LATS2: variants seen among roughly 807,000 people sequenced by gnomAD.
The protein encoded by LATS2 is serine/threonine-protein kinase LATS2.
In LATS2, 24 loss-of-function variants were observed where a neutral mutation model predicts 76.0. The observed-to-expected ratio is 0.32, with a 90% CI of 0.23 to 0.44. The LOEUF (loss-of-function observed/expected upper bound fraction) is 0.44, where lower values mean the gene tolerates loss of function less well. LATS2 is among the 20% of genes least tolerant of loss of function. LATS2 has a pLI of 1.00. For missense variants in LATS2, 1,286 were observed against 1,481.2 expected (o/e 0.87, Z 2.16); for synonymous variants, 692 against 635.4 (o/e 1.09, Z -1.34).
rs1156468797 is a variant in LATS2 at position 20,991,849 on chromosome 13, G to C, written c.343-445C>G. ...ACTAGGAAACCTGTCCCCAGGGAGA[G>C]GGTGCAGCTGCCGAAGAGTCATATA... On this transcript the variant is annotated intron_variant, in intron 2 of 7. Transcript: ENST00000382592. This position sits in a 1 kb window ranked among gnomAD's most constrained non-coding sequence, Gnocchi z 4.9. 1.3e-5 allele frequency among the ~76,000 whole-genome samples: 2 copies of C among 152,212 alleles called. No homozygotes were observed. The highest frequency in any genetic ancestry group is 2.9e-5 in the Non-Finnish European group (2 of 68,046).
intron 2 of LATS2, among the ~76,000 whole-genome samples, chr13:21,008,822 A>G (rs984517565): frequency 2.0e-5 from 3 of 152,286 alleles, no homozygotes; most frequent in African/African-American, 2.4e-5. Context: ...CCTACAACCA[A>G]GATTCCACTT....
intron 2 of LATS2, among the ~76,000 whole-genome samples, chr13:21,013,870 C>T (rs890274552): frequency 6.6e-6 from 1 of 152,060 alleles, no homozygotes; most frequent in Non-Finnish European, 1.5e-5. Flanking sequence ...ACTCAAGAGG[C>T]TAAGATGGGA....
In LATS2 at chr13:21,007,699, A is replaced by ATATATATAT. The variant is rs1173839566; in HGVS notation, c.343-16296_343-16295insATATATATA. The stretch of plus-strand genomic sequence containing the variant: ...ATATATATAGTATATATATATATAT[A>ATATATATAT]GTATGTATATATATATATATATAGT... On this transcript the variant is annotated intron_variant, in intron 2 of 7. Coordinates refer to ENST00000382592, the MANE Select transcript of LATS2 (RefSeq NM_014572.3). Among the ~76,000 whole-genome samples the ATATATATAT allele has an allele frequency of 3.4e-3, 2 of 586 alleles. 1 individual carries two copies. The highest frequency in any genetic ancestry group is 0.091 in the South Asian group (2 of 22). 0.4% of individuals were successfully genotyped at this position (586 alleles called of 152,430 possible).
intron 2 of LATS2, among the ~76,000 whole-genome samples, chr13:20,999,613 C>G (rs1565949482): frequency 6.6e-6 from 1 of 152,010 alleles, no homozygotes; most frequent in African/African-American, 2.4e-5. Context: ...AGCCAGTATG[C>G]TTGGCTAATT....
chr13:21,057,416 G>A (rs1873481716), intron 1 of LATS2, among the ~76,000 whole-genome samples: 1 of 152,156 alleles, frequency 6.6e-6, no homozygotes, highest in Admixed American at 6.5e-5. Flanking sequence ...AGGGTGAACG[G>A]CAAACATTAA....
chr13:21,050,609 C>T (rs1873241459), intron 1 of LATS2, among the ~76,000 whole-genome samples: 1 of 152,248 alleles, frequency 6.6e-6, no homozygotes, highest in Non-Finnish European at 1.5e-5. Context: ...TGCATCCATT[C>T]TACCTAATGG....
chr13:21,003,652 G>C (rs945383573), intron 2 of LATS2, among the ~76,000 whole-genome samples: 1 of 152,088 alleles, frequency 6.6e-6, no homozygotes, highest in Non-Finnish European at 1.5e-5. Context: ...ATGTTGACCA[G>C]GCTGGTCTTG....
intron 2 of LATS2, among the ~76,000 whole-genome samples, chr13:21,010,414 C>T (rs529283068): frequency 2.0e-5 from 3 of 152,102 alleles, no homozygotes; most frequent in African/African-American, 7.2e-5. Context: ...GCAAAGCCCC[C>T]ACTCTACAGG....
Position 20,979,901 on chromosome 13 carries a change from C to T in LATS2, c.2666-104G>A, listed in dbSNP as rs969327506. 4.7e-5 allele frequency: 31 copies of T among 662,338 alleles called. No individual in the cohort carries two copies. In the Admixed American group the frequency reaches 5.9e-4, roughly 13 times the overall value. 41.0% of individuals were successfully genotyped at this position (662,338 alleles called of 1,614,324 possible). On this transcript the variant is annotated intron_variant, in intron 6 of 7. Transcript: ENST00000382592. ...ACAGATTTCCTGTTAAGTGGGAAAG[C>T]GCGTTGAAGCATCGCACTGTGCGCA...
At chr13:21,045,553 G>A (rs1288980662) in intron 2 of LATS2, 132 bp downstream of exon 2, 1 of 650,598 alleles carries the variant, frequency 1.5e-6, no homozygotes, top group Non-Finnish European at 2.6e-6. Flanking sequence ...AAGGGCCTTG[G>A]GTTTTTAACC....
chr13:21,051,967 G>T (rs1209338062), intron 1 of LATS2, among the ~76,000 whole-genome samples: 1 of 152,118 alleles, frequency 6.6e-6, no homozygotes, highest in Admixed American at 6.5e-5. Flanking sequence ...AAAAGCACAG[G>T]GAGGGGAAGC....
intron 2 of LATS2, among the ~76,000 whole-genome samples, chr13:21,007,563 A>AT (rs1871325017): frequency 6.0e-5 from 1 of 16,712 alleles, no homozygotes; most frequent in Non-Finnish European, 8.1e-5. Flanking sequence ...ATATATATAT[A>AT]TATATATATA....
chr13:21,046,028 G>A lies in LATS2; in HGVS notation c.-2C>T. ...GGCAGGAAAAGTCTTTGGCCTCATT[G>A]TTAGTCCAGTTTCCTTTTACCATAA... On this transcript the variant is annotated 5_prime_UTR_variant, in exon 2 of 8. Transcript: ENST00000382592. 2.5e-6 allele frequency: 4 copies of A among 1,601,148 alleles called. No individual in the cohort carries two copies. The highest frequency in any genetic ancestry group is 3.4e-6 in the Non-Finnish European group (4 of 1,169,920).
In LATS2 at chr13:20,976,082, G is replaced by A. The variant is rs117339282; in HGVS notation, c.2773-718C>T. 4.5e-3 allele frequency among the ~76,000 whole-genome samples: 682 copies of A among 152,324 alleles called. 3 individuals are homozygous for A. Among genetic ancestry groups the A allele is most frequent in the Admixed American group, 7.9e-3 (121 of 15,286 alleles). ...AGAATAAAGCTGACTGACCCCATGTGACCTTACATGCTCAACTGCACAAAC... is the reference window on the plus strand; with the variant it reads ...AGAATAAAGCTGACTGACCCCATGTAACCTTACATGCTCAACTGCACAAAC... On this transcript the variant is annotated intron_variant, in intron 7 of 7. Transcript: ENST00000382592.
At chr13:20,978,917 AT>A (rs1364002326) in intron 7 of LATS2, among the ~76,000 whole-genome samples, 1 of 152,088 alleles carries the variant, frequency 6.6e-6, no homozygotes, top group Admixed American at 6.5e-5. Context: ...GCACACCACC[AT>A]GATGGACTAA....
At chr13:21,021,519 AT>A (rs1872064599) in intron 2 of LATS2, among the ~76,000 whole-genome samples, 1 of 145,082 alleles carries the variant, frequency 6.9e-6, no homozygotes, top group African/African-American at 2.5e-5. Flanking sequence ...TGTAAAAGGC[AT>A]TTCTGATATG....
At chr13:21,027,311 A>C (rs1421211553) in intron 2 of LATS2, among the ~76,000 whole-genome samples, 1 of 152,170 alleles carries the variant, frequency 6.6e-6, no homozygotes, top group Non-Finnish European at 1.5e-5. Context: ...ATTTTATCCT[A>C]TGCTTTTTTC....
intron 5 of LATS2, 49 bp from the exon 6 acceptor site, chr13:20,981,697 T>C (rs760406321): frequency 1.3e-6 from 2 of 1,490,798 alleles, no homozygotes; most frequent in East Asian, 2.3e-5. Flanking sequence ...AAATATAAAG[T>C]GAATTTTCAC....
intron 2 of LATS2, among the ~76,000 whole-genome samples, chr13:21,002,478 G>T (rs1355262372): frequency 6.6e-6 from 1 of 150,928 alleles, no homozygotes; most frequent in Admixed American, 6.6e-5. Flanking sequence ...AGGCTCAGGT[G>T]ATTCTCCCAC....
Sources: gnomAD v4.1 joint callset for allele counts (sites outside exome capture counted in the v4.1 genomes callset) on GRCh38, gnomAD v4.1.1 for gene constraint, Gnocchi (gnomAD v3.1) non-coding constraint, MANE v1.5 for transcripts, NCBI Gene and HGNC (gene_info 2026-07-23, HGNC 2026-07-21) for gene names.